ASH1L: variants seen among roughly 807,000 people sequenced by gnomAD.
The protein encoded by ASH1L is ASH1 like histone lysine methyltransferase, also known as histone-lysine N-methyltransferase ASH1L.
ASH1L carries 23 observed loss-of-function variants against 269.0 expected under a neutral mutation model. That is an observed-to-expected ratio of 0.09 (90% CI 0.06 to 0.12). The LOEUF (loss-of-function observed/expected upper bound fraction) is 0.12. Among genes scored for constraint, ASH1L ranks in the 10% least tolerant of loss-of-function variants. The pLI, the probability that ASH1L is intolerant of heterozygous loss-of-function variation, is 1.00. For missense variants in ASH1L, 2,912 were observed against 3,567.8 expected, an observed-to-expected ratio of 0.82 and a Z score of 4.68; for synonymous variants, 1,187 against 1,253.5, an observed-to-expected ratio of 0.95 and a Z score of 1.12.
chr1:155,538,342 GTTTT>G (rs963237272), intron 1 of ASH1L, among the ~76,000 whole-genome samples: 17 of 142,378 alleles, frequency 1.2e-4, no homozygotes, highest in African/African-American at 4.2e-4. Context: ...GGCACCTGGC[GTTTT>G]TTTGTTTGTT....
At chr1:155,385,491 T>G (rs1657350618) in intron 7 of ASH1L, among the ~76,000 whole-genome samples, 1 of 152,038 alleles carries the variant, frequency 6.6e-6, no homozygotes, top group Non-Finnish European at 1.5e-5. Flanking sequence ...ATTATCTTCT[T>G]CTATTTCTTG....
chr1:155,359,424 G>A (rs1654736518), intron 13 of ASH1L, among the ~76,000 whole-genome samples: 1 of 151,390 alleles, frequency 6.6e-6, no homozygotes, highest in Admixed American at 6.6e-5. Flanking sequence ...CTACAAGCAT[G>A]TAACACCATG....
chr1:155,530,693 G>A (rs1265084532), intron 1 of ASH1L, among the ~76,000 whole-genome samples: 1 of 151,450 alleles, frequency 6.6e-6, no homozygotes, highest in African/African-American at 2.4e-5. Flanking sequence ...CCAAGACTGT[G>A]CCACTGCACT....
intron 7 of ASH1L, among the ~76,000 whole-genome samples, chr1:155,394,793 G>A (rs958277162): frequency 6.6e-6 from 1 of 152,134 alleles, no homozygotes; most frequent in Non-Finnish European, 1.5e-5. Flanking sequence ...CTCAGTAAAA[G>A]CAGTGGGGCT....
Position 155,338,579 on chromosome 1 carries a change from T to C in ASH1L, c.8502-189A>G, listed in dbSNP as rs145985733. ...AACACTACCTTTACCAGAAATTTAT[T>C]TGTAAAATTCAACTTTTATTATTTC... On this transcript the variant is annotated intron_variant, in intron 26 of 27. Coordinates refer to ENST00000392403, the MANE Select transcript of ASH1L (RefSeq NM_018489.3). 2.7e-4 allele frequency among the ~76,000 whole-genome samples: 41 copies of C among 152,298 alleles called. No individual in the cohort carries two copies. In the East Asian group the frequency reaches 7.7e-3, roughly 29 times the overall value.
intron 5 of ASH1L, among the ~76,000 whole-genome samples, chr1:155,423,855 G>C (rs1350101454): frequency 6.6e-6 from 1 of 151,972 alleles, no homozygotes; most frequent in Admixed American, 6.6e-5. Flanking sequence ...TCAGCCTCCG[G>C]AGTAGCTAGG....
At chr1:155,351,620 G>A (rs562546810) in intron 17 of ASH1L, among the ~76,000 whole-genome samples, 4 of 152,220 alleles carry the variant, frequency 2.6e-5, no homozygotes, top group Admixed American at 2.6e-4. Context: ...GGAGGCCGAG[G>A]CAGGTGGATC....
At chr1:155,411,346 G>C (rs1313912572) in intron 6 of ASH1L, among the ~76,000 whole-genome samples, 1 of 151,560 alleles carries the variant, frequency 6.6e-6, no homozygotes, top group Non-Finnish European at 1.5e-5. Flanking sequence ...GAGAGGAAGA[G>C]CTAGTTCTAA....
chr1:155,431,217 A>AAT lies in ASH1L; in HGVS notation c.5828+7108_5828+7109dup, dbSNP rs149153355. Reference sequence around the variant, plus strand: ...AAGATGCCGTCTCAACAACAACAAAAATATATATATATATAATATTTACAT... The same window carrying AAT: ...AAGATGCCGTCTCAACAACAACAAAAATATATATATATATATAATATTTACAT... On this transcript the variant is annotated intron_variant, in intron 5 of 27. Coordinates refer to ENST00000392403, the MANE Select transcript of ASH1L (RefSeq NM_018489.3). Among the ~76,000 whole-genome samples, 1,100 of 150,126 alleles carry AAT rather than the reference A, an allele frequency of 7.3e-3. 9 individuals are homozygous for AAT. The highest frequency in any genetic ancestry group is 0.024 in the African/African-American group (975 of 40,996).
intron 8 of ASH1L, 82 bp downstream of exon 8, chr1:155,379,961 A>T: frequency 1.0e-6 from 1 of 999,714 alleles, no homozygotes; most frequent in Non-Finnish European, 1.6e-6. Context: ...AAACATAACA[A>T]GGGGAGAGAA....
chr1:155,515,610 C>T (rs1401108882), intron 2 of ASH1L, among the ~76,000 whole-genome samples: 1 of 151,904 alleles, frequency 6.6e-6, no homozygotes, highest in Non-Finnish European at 1.5e-5. Flanking sequence ...GGCGAATCAC[C>T]TGAGGTCAGG....
chr1:155,503,775 A>C (rs570332108), intron 2 of ASH1L, among the ~76,000 whole-genome samples: 338 of 152,340 alleles, frequency 2.2e-3, no homozygotes, highest in African/African-American at 7.4e-3. Context: ...CCTAGGCTGC[A>C]GTACAGTGGC....
intron 1 of ASH1L, among the ~76,000 whole-genome samples, chr1:155,531,148 A>AC (rs1669644304): frequency 1.3e-5 from 2 of 151,076 alleles, no homozygotes; most frequent in African/African-American, 4.9e-5. Flanking sequence ...ATAAAGAGAG[A>AC]CCCCCATCTC....
intron 4 of ASH1L, among the ~76,000 whole-genome samples, chr1:155,457,622 C>A (rs1391572704): frequency 1.3e-5 from 2 of 152,188 alleles, no homozygotes; most frequent in Non-Finnish European, 2.9e-5. Flanking sequence ...ATTTTGTACA[C>A]TGCTCTGTTA....
chr1:155,535,257 T>G (rs1277641628), intron 1 of ASH1L, among the ~76,000 whole-genome samples: 2 of 150,792 alleles, frequency 1.3e-5, no homozygotes, highest in African/African-American at 4.9e-5. Flanking sequence ...TAAGACTGGG[T>G]TTTGCTCTGT....
intron 1 of ASH1L, 188 bp downstream of exon 1, chr1:155,561,965 C>G (rs1464317313): frequency 1.9e-6 from 1 of 535,232 alleles, no homozygotes. Flanking sequence ...AGGGACACCC[C>G]TTCACCCCGC....
intron 6 of ASH1L, among the ~76,000 whole-genome samples, chr1:155,397,429 G>A (rs972520448): frequency 2.6e-5 from 4 of 150,976 alleles, no homozygotes; most frequent in African/African-American, 7.3e-5. Flanking sequence ...TCCGGGAGAC[G>A]GAGGTTGCAG....
chr1:155,536,001 G>T (rs868241039), intron 1 of ASH1L, among the ~76,000 whole-genome samples: 2 of 103,760 alleles, frequency 1.9e-5, no homozygotes, highest in African/African-American at 7.0e-5. Flanking sequence ...TCCATCTCAA[G>T]AAAAAAAAAA....
chr1:155,361,624 G>A (rs969417307), intron 12 of ASH1L, among the ~76,000 whole-genome samples: 5 of 150,446 alleles, frequency 3.3e-5, no homozygotes, highest in African/African-American at 7.4e-5. Context: ...GCTTGAACCC[G>A]GGAGGCGGAG....
Sources: allele counts gnomAD v4.1 joint callset (sites outside exome capture counted in the v4.1 genomes callset), GRCh38; gene constraint gnomAD v4.1.1; transcripts MANE v1.5; gene names NCBI Gene and HGNC (gene_info 2026-07-23, HGNC 2026-07-21).